ELOVL6: variants seen among roughly 807,000 people sequenced by gnomAD.
ELOVL6 encodes ELOVL fatty acid elongase 6.
In ELOVL6, 8 loss-of-function variants were observed where a neutral mutation model predicts 31.7. The ratio of observed to expected loss-of-function variants is 0.25; its 90% CI spans 0.15 to 0.45. The LOEUF is 0.45. ELOVL6 is among the 20% of genes least tolerant of loss of function. The pLI, the probability that ELOVL6 is intolerant of heterozygous loss-of-function variation, is 1.00. For synonymous variants in ELOVL6, 101 were observed against 117.7 expected (o/e 0.86, Z 0.92); for missense variants, 126 against 326.4 (o/e 0.39, Z 4.73).
intron 1 of ELOVL6, among the ~76,000 whole-genome samples, chr4:110,188,671 T>C (rs1247640413): frequency 2.6e-5 from 4 of 152,078 alleles, no homozygotes; most frequent in Non-Finnish European, 5.9e-5. Context: ...GAGGATCACC[T>C]GAGGTTAGGA....
At chr4:110,136,351 T>C (rs1031769026) in intron 1 of ELOVL6, among the ~76,000 whole-genome samples, 1 of 152,210 alleles carries the variant, frequency 6.6e-6, no homozygotes, top group Non-Finnish European at 1.5e-5. Context: ...CCTACAACTA[T>C]GGGTTTGTCT....
chr4:110,145,621 C>A (rs2126263231), intron 1 of ELOVL6, among the ~76,000 whole-genome samples: 1 of 152,086 alleles, frequency 6.6e-6, no homozygotes, highest in Non-Finnish European at 1.5e-5. Context: ...AGCTCTATGA[C>A]CTTGCAGGGT....
At chr4:110,055,048 C>T (rs1754941738) in intron 3 of ELOVL6, among the ~76,000 whole-genome samples, 1 of 152,162 alleles carries the variant, frequency 6.6e-6, no homozygotes, top group Admixed American at 6.5e-5. Context: ...AGACTGCTGA[C>T]CCAAAGAGTG....
intron 2 of ELOVL6, among the ~76,000 whole-genome samples, chr4:110,076,105 C>T (rs1363835324): frequency 1.3e-5 from 2 of 152,166 alleles, no homozygotes; most frequent in Non-Finnish European, 2.9e-5. Flanking sequence ...AAACCGAACT[C>T]CATTTTCACA....
At chr4:110,124,361 A>G (rs753898632) in intron 1 of ELOVL6, among the ~76,000 whole-genome samples, 1 of 152,208 alleles carries the variant, frequency 6.6e-6, no homozygotes, top group Non-Finnish European at 1.5e-5. Flanking sequence ...TACACCATGG[A>G]ACACTATGCA....
chr4:110,180,005 T>C (rs760204098), intron 1 of ELOVL6, among the ~76,000 whole-genome samples: 1 of 152,230 alleles, frequency 6.6e-6, no homozygotes, highest in Non-Finnish European at 1.5e-5. Context: ...GAATGCTCTG[T>C]GGGGAAGAAA....
intron 2 of ELOVL6, among the ~76,000 whole-genome samples, chr4:110,068,925 C>G (rs532681758): frequency 6.6e-6 from 1 of 152,048 alleles, no homozygotes; most frequent in East Asian, 1.9e-4. Context: ...GGAGGATTGC[C>G]TAAGCTCAGG....
At chr4:110,192,024 T>C (rs1168143790) in intron 1 of ELOVL6, among the ~76,000 whole-genome samples, 1 of 151,728 alleles carries the variant, frequency 6.6e-6, no homozygotes, top group Non-Finnish European at 1.5e-5. Flanking sequence ...AACTCGTTTC[T>C]ACTAAATACA....
chr4:110,084,700 T>C (rs897523113), intron 2 of ELOVL6, among the ~76,000 whole-genome samples: 2 of 144,282 alleles, frequency 1.4e-5, no homozygotes, highest in Admixed American at 7.2e-5. Context: ...GTTCAAGCAA[T>C]TTTCCTGCCT....
chr4:110,079,592 T>C (rs1017701501), intron 2 of ELOVL6, among the ~76,000 whole-genome samples: 10 of 151,230 alleles, frequency 6.6e-5, no homozygotes, highest in Non-Finnish European at 1.3e-4. Context: ...TTCAAAGCAG[T>C]GTGTAGAGGG....
chr4:110,067,742 C>T (rs897828847), intron 2 of ELOVL6, among the ~76,000 whole-genome samples: 1 of 152,074 alleles, frequency 6.6e-6, no homozygotes, highest in Non-Finnish European at 1.5e-5. Context: ...ATGGTATGAT[C>T]CAATTTGTGT....
At chr4:110,142,108 TCA>T (rs1313872555) in intron 1 of ELOVL6, among the ~76,000 whole-genome samples, 1 of 133,958 alleles carries the variant, frequency 7.5e-6, no homozygotes, top group Non-Finnish European at 1.5e-5. Flanking sequence ...TCTCGCTGTG[TCA>T]CCCAGGCTGG....
intron 2 of ELOVL6, among the ~76,000 whole-genome samples, chr4:110,067,195 AC>A (rs1168364229): frequency 1.8e-4 from 27 of 152,108 alleles, no homozygotes; most frequent in Non-Finnish European, 2.9e-5. Context: ...GTATAACTTC[AC>A]TTTTCCTTTG....
In ELOVL6 at chr4:110,047,077, G is replaced by A. The variant is rs1367931299; in HGVS notation, c.*4261C>T. On this transcript the variant is annotated 3_prime_UTR_variant, in exon 4 of 4. Coordinates refer to ENST00000302274, the MANE Select transcript of ELOVL6 (RefSeq NM_024090.3). ...AATTGAGAGCAAGGTATTTATTATCGAAAACAGAGACTGGAGAAAGACACT... is the reference window on the plus strand; with the variant it reads ...AATTGAGAGCAAGGTATTTATTATCAAAAACAGAGACTGGAGAAAGACACT... 6.6e-6 allele frequency: 1 copy of A among 152,128 alleles called. No individual in the cohort carries two copies. Among genetic ancestry groups the A allele is most frequent in the Non-Finnish European group, 1.5e-5 (1 of 68,010 alleles). The allele number at this position is 152,128 out of a possible 1,614,324, so 9.4% of individuals were successfully genotyped here.
chr4:110,137,349 T>TACTTTCTTTGGGGCAAAGTCGTGACTA (rs1200934838), intron 1 of ELOVL6, among the ~76,000 whole-genome samples: 4 of 152,170 alleles, frequency 2.6e-5, no homozygotes, highest in African/African-American at 7.2e-5. Context: ...CATCGTGACT[T>TACTTTCTTTGGGGCAAAGTCGTGACTA]ACTTTCTTTG....
At chr4:110,136,585 C>T (rs1391699611) in intron 1 of ELOVL6, among the ~76,000 whole-genome samples, 3 of 152,148 alleles carry the variant, frequency 2.0e-5, no homozygotes, top group Non-Finnish European at 4.4e-5. Flanking sequence ...TTTATTTACT[C>T]AGAATAGTCT....
intron 1 of ELOVL6, among the ~76,000 whole-genome samples, chr4:110,171,411 AAAAT>A (rs59222203): frequency 0.42 from 61,241 of 146,238 alleles, 13,901 homozygotes; most frequent in East Asian, 0.64. Flanking sequence ...CTCCATCTCA[AAAAT>A]AAATAAATAA....
chr4:110,118,835 G>A (rs955160786), intron 1 of ELOVL6, among the ~76,000 whole-genome samples: 6 of 152,196 alleles, frequency 3.9e-5, no homozygotes, highest in African/African-American at 1.4e-4. Flanking sequence ...GAAAGGATGT[G>A]GTGGGCAGAT....
intron 2 of ELOVL6, among the ~76,000 whole-genome samples, chr4:110,084,254 CAT>C (rs1223403806): frequency 8.8e-6 from 1 of 113,418 alleles, no homozygotes. Flanking sequence ...ATATATATAA[CAT>C]ATAGCTTATA....
Sources: gnomAD v4.1 joint callset for allele counts (sites outside exome capture counted in the v4.1 genomes callset) on GRCh38, gnomAD v4.1.1 for gene constraint, MANE v1.5 for transcripts, NCBI Gene and HGNC (gene_info 2026-07-23, HGNC 2026-07-21) for gene names.